The following SLC39A11 variants were observed in gnomAD, a reference collection of about 807,000 sequenced individuals.
The protein encoded by SLC39A11 is solute carrier family 39 member 11.
In SLC39A11, 33 loss-of-function variants were observed where a neutral mutation model predicts 36.1. That is an observed-to-expected ratio of 0.91 (90% confidence interval 0.69 to 1.22). SLC39A11 has a LOEUF of 1.22. Among genes scored for constraint, SLC39A11 ranks in the 50% most tolerant of loss-of-function variants. The pLI is 0.00. For missense variants in SLC39A11, 432 were observed against 430.3 expected (o/e 1.00, Z -0.03); for synonymous variants, 166 against 170.3 (o/e 0.97, Z 0.20).
intron 5 of SLC39A11, among the ~76,000 whole-genome samples, chr17:72,869,871 C>T (rs1258381057): frequency 6.6e-6 from 1 of 152,124 alleles, no homozygotes; most frequent in Non-Finnish European, 1.5e-5. Context: ...TCTCCCCTAC[C>T]CCCAAGTATT....
chr17:72,776,408 A>AT (rs1042450096), intron 6 of SLC39A11, among the ~76,000 whole-genome samples: 10 of 152,066 alleles, frequency 6.6e-5, no homozygotes, highest in African/African-American at 2.4e-4. Context: ...TTGGCCTTGA[A>AT]TTTTTTGCAA....
chr17:72,899,320 G>T (rs1238931019), intron 5 of SLC39A11, among the ~76,000 whole-genome samples: 4 of 142,792 alleles, frequency 2.8e-5, no homozygotes, highest in African/African-American at 1.2e-4. Flanking sequence ...GAGTCCACCT[G>T]CCAAACCCAA....
At chr17:72,802,092 G>T (rs989059541) in intron 6 of SLC39A11, among the ~76,000 whole-genome samples, 1 of 152,186 alleles carries the variant, frequency 6.6e-6, no homozygotes, top group Non-Finnish European at 1.5e-5. Flanking sequence ...AGGGGATTAA[G>T]GGAATGAATC....
intron 3 of SLC39A11, among the ~76,000 whole-genome samples, chr17:73,063,993 A>G (rs1345539176): frequency 6.6e-6 from 1 of 152,056 alleles, no homozygotes; most frequent in Admixed American, 6.6e-5. Context: ...TGGAGAACTA[A>G]CTCATTTAGC....
intron 6 of SLC39A11, among the ~76,000 whole-genome samples, chr17:72,740,048 T>C (rs1179246379): frequency 1.5e-5 from 2 of 134,670 alleles, no homozygotes; most frequent in Non-Finnish European, 3.1e-5. Context: ...TAGAATTTCT[T>C]TCCTTTTCTT....
chr17:72,948,964 C>T (rs1276163613), intron 4 of SLC39A11, among the ~76,000 whole-genome samples: 3 of 152,024 alleles, frequency 2.0e-5, no homozygotes, highest in Non-Finnish European at 4.4e-5. Context: ...ACAGGAACAA[C>T]AAGGCAGAGG....
At chr17:72,885,745 C>A (rs2081408801) in intron 5 of SLC39A11, among the ~76,000 whole-genome samples, 2 of 152,194 alleles carry the variant, frequency 1.3e-5, no homozygotes, top group South Asian at 4.1e-4. Context: ...TATGTCCACA[C>A]TTCCCCCCTC....
intron 5 of SLC39A11, among the ~76,000 whole-genome samples, chr17:72,881,705 C>T (rs1355708003): frequency 6.6e-6 from 1 of 152,146 alleles, no homozygotes; most frequent in African/African-American, 2.4e-5. Flanking sequence ...TTGGACATTT[C>T]TAAGTGGCAA....
At chr17:72,932,834 A>G (rs926272451) in intron 5 of SLC39A11, among the ~76,000 whole-genome samples, 1 of 152,242 alleles carries the variant, frequency 6.6e-6, no homozygotes, top group African/African-American at 2.4e-5. Flanking sequence ...TAAGGAGTCG[A>G]GTCAGAATTC....
chr17:72,677,108 A>C (rs768192260), intron 7 of SLC39A11, among the ~76,000 whole-genome samples: 1 of 152,204 alleles, frequency 6.6e-6, no homozygotes, highest in Non-Finnish European at 1.5e-5. Flanking sequence ...CTGCACAAGC[A>C]GCAGCCGCAG....
At chr17:72,870,032 CTTTT>C (rs982354550) in intron 5 of SLC39A11, among the ~76,000 whole-genome samples, 1 of 147,616 alleles carries the variant, frequency 6.8e-6, no homozygotes, top group African/African-American at 2.5e-5. Context: ...TCTTCTTCTT[CTTTT>C]TTTTTTGTTT....
chr17:72,705,733 A>G (rs1159050577), intron 7 of SLC39A11, among the ~76,000 whole-genome samples: 1 of 152,216 alleles, frequency 6.6e-6, no homozygotes, highest in African/African-American at 2.4e-5. Flanking sequence ...TTCACCTCTC[A>G]GTCCATGTGG....
Position 73,051,487 on chromosome 17 carries a change from C to T in SLC39A11, c.148-19773G>A, listed in dbSNP as rs1042665386. On this transcript the variant is annotated intron_variant, in intron 3 of 9. Coordinates refer to ENST00000255559, the MANE Select transcript of SLC39A11 (RefSeq NM_139177.4). ...GACTGTGCAACTTGGTAGAAGGTGG[C>T]AGCCTTGACTGAGAAGAGACACAGT... Among the ~76,000 whole-genome samples, 9 of 151,798 alleles carry T rather than the reference C, an allele frequency of 5.9e-5. 1 individual carries two copies. Among genetic ancestry groups the T allele is most frequent in the Admixed American group, 5.9e-4 (9 of 15,234 alleles).
chr17:72,907,511 A>G (rs1008691087), intron 5 of SLC39A11, among the ~76,000 whole-genome samples: 1 of 152,098 alleles, frequency 6.6e-6, no homozygotes, highest in African/African-American at 2.4e-5. Context: ...CAAACAAACA[A>G]AAATAAATGA....
intron 4 of SLC39A11, among the ~76,000 whole-genome samples, chr17:72,977,328 C>T (rs2087928969): frequency 6.6e-6 from 1 of 152,160 alleles, no homozygotes; most frequent in African/African-American, 2.4e-5. Flanking sequence ...GGAAGGGACT[C>T]CGAAATCCAG....
chr17:73,073,488 C>T (rs1207911876), intron 3 of SLC39A11, among the ~76,000 whole-genome samples: 6 of 152,170 alleles, frequency 3.9e-5, no homozygotes, highest in African/African-American at 1.2e-4. Flanking sequence ...ACTGTCTCAC[C>T]TCTTTGTTGA....
chr17:72,836,172 A>C (rs146177901), intron 6 of SLC39A11, among the ~76,000 whole-genome samples: 1 of 152,286 alleles, frequency 6.6e-6, no homozygotes, highest in Non-Finnish European at 1.5e-5. Flanking sequence ...ATTAACATTT[A>C]ATGTGGCAAG....
chr17:72,760,188 G>C (rs2075523578), intron 6 of SLC39A11, among the ~76,000 whole-genome samples: 1 of 152,134 alleles, frequency 6.6e-6, no homozygotes, highest in Non-Finnish European at 1.5e-5. Context: ...CACCATGCCT[G>C]GCTAATTTTT....
chr17:72,661,464 C>G (rs2070415424), intron 7 of SLC39A11, among the ~76,000 whole-genome samples: 1 of 152,248 alleles, frequency 6.6e-6, no homozygotes, highest in South Asian at 2.1e-4. Context: ...ATATCCCTGA[C>G]AAGCCCTGCT....
Sources: allele counts gnomAD v4.1 joint callset (sites outside exome capture counted in the v4.1 genomes callset), GRCh38; gene constraint gnomAD v4.1.1; transcripts MANE v1.5; gene names NCBI Gene and HGNC (gene_info 2026-07-23, HGNC 2026-07-21).